Variants in DNAH3 observed in about 807,000 individuals in gnomAD.
The protein encoded by DNAH3 is dynein axonemal heavy chain 3.
DNAH3 carries 332 observed loss-of-function variants against 432.5 expected under a neutral mutation model. That is an observed-to-expected ratio of 0.77 (90% CI 0.70 to 0.84). The LOEUF (loss-of-function observed/expected upper bound fraction) is 0.84. Among genes scored for constraint, DNAH3 ranks in the 40% least tolerant of loss-of-function variants. The probability of loss-of-function intolerance (pLI) is 0.00; values close to 1 mark genes in which losing one functional copy is unlikely to be tolerated. For synonymous variants in DNAH3, 1,956 were observed against 1,900.2 expected, an observed-to-expected ratio of 1.03 and a Z score of -0.76; for missense variants, 4,861 against 5,114.0, an observed-to-expected ratio of 0.95 and a Z score of 1.51.
intron 6 of DNAH3, among the ~76,000 whole-genome samples, chr16:21,135,892 A>AT (rs1272996989): frequency 6.6e-6 from 1 of 151,312 alleles, no homozygotes; most frequent in Non-Finnish European, 1.5e-5. Context: ...AAAAAAAAAA[A>AT]TTGTTTTAAA....
chr16:20,967,932 C>T (rs2085137618), intron 52 of DNAH3, among the ~76,000 whole-genome samples: 1 of 152,154 alleles, frequency 6.6e-6, no homozygotes, highest in African/African-American at 2.4e-5. Flanking sequence ...AAAGGATGCT[C>T]TTGTAACATC....
chr16:21,050,184 CAAAT>C (rs1359400359), intron 29 of DNAH3, among the ~76,000 whole-genome samples, 166 bp from the exon 30 acceptor site: 9 of 152,218 alleles, frequency 5.9e-5, no homozygotes, highest in African/African-American at 2.2e-4. Flanking sequence ...TTGCACCAAC[CAAAT>C]AGTTAAAATT....
chr16:21,138,247 CAA>C (rs1176116189), intron 5 of DNAH3, among the ~76,000 whole-genome samples: 7 of 137,326 alleles, frequency 5.1e-5, no homozygotes, highest in Admixed American at 1.5e-4. Context: ...GATTCTGTCT[CAA>C]AAAAAAAAAA....
chr16:20,934,701 G>A (rs2083525828), intron 61 of DNAH3, among the ~76,000 whole-genome samples: 1 of 151,886 alleles, frequency 6.6e-6, no homozygotes, highest in Middle Eastern at 3.2e-3. Flanking sequence ...GGATTTCTAG[G>A]TATACAATCA....
At chr16:21,072,047 A>AT (rs1743356796) in intron 21 of DNAH3, among the ~76,000 whole-genome samples, 1 of 152,066 alleles carries the variant, frequency 6.6e-6, no homozygotes, top group Non-Finnish European at 1.5e-5. Flanking sequence ...TTGTAGGTGT[A>AT]TTTTTTTCAA....
chr16:21,096,646 GTTTT>G (rs146619382), intron 18 of DNAH3, among the ~76,000 whole-genome samples: 8 of 151,284 alleles, frequency 5.3e-5, no homozygotes, highest in Non-Finnish European at 8.8e-5. Context: ...AAGTTGATGG[GTTTT>G]TTTTTATTTG....
In DNAH3 at chr16:21,051,765, C is replaced by A; in HGVS notation, c.4143G>T (p.Gln1381His). 6.2e-7 allele frequency: 1 copy of A among 1,614,110 alleles called. No homozygotes were observed. Among genetic ancestry groups the A allele is most frequent in the Admixed American group, 1.7e-5 (1 of 60,018 alleles). ...AGGCTTCTGTGGTGATAATCTGCACCTGCACATCCTTGGCCACCCAGTAGT... is the reference window on the plus strand; with the variant it reads ...AGGCTTCTGTGGTGATAATCTGCACATGCACATCCTTGGCCACCCAGTAGT... The change falls in exon 29 of 62, where the codon CAG (glutamine) becomes CAT (histidine). Residue 1381 changes from glutamine (Q) to histidine (H), a missense_variant. Transcript: ENST00000261383.
At chr16:20,997,520 C>A in intron 43 of DNAH3, 58 bp from the exon 44 acceptor site, 3 of 1,566,852 alleles carry the variant, frequency 1.9e-6, no homozygotes, top group Non-Finnish European at 1.7e-6. Context: ...TCTGCTCTTA[C>A]AGAGGTAACA....
At chr16:21,018,507 G>C (rs2087978098) in intron 41 of DNAH3, among the ~76,000 whole-genome samples, 1 of 152,130 alleles carries the variant, frequency 6.6e-6, no homozygotes, top group Admixed American at 6.5e-5. Flanking sequence ...TATAAGAAAT[G>C]ATGTCACACA....
intron 23 of DNAH3, among the ~76,000 whole-genome samples, chr16:21,069,120 T>C (rs1386990585): frequency 6.6e-6 from 1 of 151,454 alleles, no homozygotes; most frequent in Non-Finnish European, 1.5e-5. Context: ...TGTGTGTGTT[T>C]TTAGTAGAGA....
chr16:21,056,158 T>C (rs181889498), intron 27 of DNAH3, among the ~76,000 whole-genome samples: 4 of 152,330 alleles, frequency 2.6e-5, no homozygotes, highest in African/African-American at 9.6e-5. Flanking sequence ...TCAGCTATTA[T>C]AGACCGAAGT....
intron 11 of DNAH3, among the ~76,000 whole-genome samples, 199 bp from the exon 12 acceptor site, chr16:21,117,538 C>T (rs973091045): frequency 3.3e-5 from 5 of 152,162 alleles, no homozygotes; most frequent in Non-Finnish European, 7.3e-5. Flanking sequence ...CTGGATTACT[C>T]ATCTTTCAAA....
intron 3 of DNAH3, among the ~76,000 whole-genome samples, chr16:21,142,645 A>AT (rs1352255467): frequency 2.1e-5 from 3 of 143,840 alleles, no homozygotes; most frequent in African/African-American, 7.9e-5. Context: ...TAACAACAAT[A>AT]CAAAAATCCT....
chr16:20,991,357 C>A (rs985612572), intron 44 of DNAH3, among the ~76,000 whole-genome samples: 1 of 152,050 alleles, frequency 6.6e-6, no homozygotes, highest in Non-Finnish European at 1.5e-5. Flanking sequence ...CCTCCACCTC[C>A]CAGGTTCAAG....
intron 26 of DNAH3, 114 bp downstream of exon 26, chr16:21,060,150 C>T: frequency 1.3e-6 from 1 of 790,268 alleles, no homozygotes. Flanking sequence ...TGCAGAGGGA[C>T]AGGTTTTGGT....
At chr16:21,135,950 C>T (rs1175377923) in intron 6 of DNAH3, among the ~76,000 whole-genome samples, 2 of 142,444 alleles carry the variant, frequency 1.4e-5, no homozygotes, top group African/African-American at 5.1e-5. Context: ...TACTGAATCG[C>T]AATCTGCATT....
At position 21,098,600 on chromosome 16, in the gene DNAH3, T is replaced by C. The variant is rs757106363; in HGVS notation, c.2520+16A>G. On this transcript the variant is annotated intron_variant, in intron 17 of 61. Coordinates refer to ENST00000261383, the Ensembl canonical transcript of DNAH3. ...ACCAGTACAGTGTCATAAGTCCCCA[T>C]CTCAAGATCCCAAACCTCAAACTCT... The C allele has an allele frequency of 3.1e-6, 5 of 1,605,442 alleles. No individual in the cohort carries two copies. Among genetic ancestry groups the C allele is most frequent in the Non-Finnish European group, 4.3e-6 (5 of 1,176,394 alleles).
chr16:20,936,854 C>T lies in DNAH3; in HGVS notation c.11655-1G>A, dbSNP rs751305893. The T allele has an allele frequency of 3.7e-6, 6 of 1,608,708 alleles. No individual in the cohort carries two copies. The highest frequency in any genetic ancestry group is 5.1e-6 in the Non-Finnish European group (6 of 1,177,704). The stretch of plus-strand genomic sequence containing the variant: ...GCTCCTCCGAACCACTTTGGTCAGC[C>T]TGCAAGAACAGAGGAGCTGGCTGAG... On this transcript the variant is annotated splice_acceptor_variant, in intron 59 of 61. Coordinates refer to ENST00000261383, the Ensembl canonical transcript of DNAH3. LOFTEE classifies it high-confidence loss of function.
At chr16:21,121,877 C>T in intron 10 of DNAH3, 68 bp downstream of exon 11, 4 of 1,418,158 alleles carry the variant, frequency 2.8e-6, no homozygotes, top group Non-Finnish European at 3.8e-6. Flanking sequence ...CTTGTACAAC[C>T]TCTTTCAATA....
Sources: gnomAD v4.1 joint callset for allele counts (sites outside exome capture counted in the v4.1 genomes callset) on GRCh38, gnomAD v4.1.1 for gene constraint, MANE v1.5 for transcripts, NCBI Gene and HGNC (gene_info 2026-07-23, HGNC 2026-07-21) for gene names.